The following CEP128 variants were observed in gnomAD, a reference collection of about 807,000 sequenced individuals.
CEP128 encodes centrosomal protein 128kDa.
Under a neutral mutation model 156.7 loss-of-function variants are expected in CEP128, and 132 were observed. That is an observed-to-expected ratio of 0.84 (90% CI 0.73 to 0.97). The LOEUF (loss-of-function observed/expected upper bound fraction) is 0.97, where lower values mean the gene tolerates loss of function less well. CEP128 is among the 50% of genes least tolerant of loss of function. The pLI is 0.00. For synonymous variants in CEP128, 469 were observed against 448.9 expected, an observed-to-expected ratio of 1.04 and a Z score of -0.57; for missense variants, 1,252 against 1,281.9, an observed-to-expected ratio of 0.98 and a Z score of 0.36.
intron 19 of CEP128, among the ~76,000 whole-genome samples, chr14:80,598,055 A>G (rs1892419962): frequency 6.6e-6 from 1 of 151,754 alleles, no homozygotes; most frequent in Non-Finnish European, 1.5e-5. Flanking sequence ...AAGAATACCT[A>G]CTCTCACAAT....
chr14:80,715,236 G>A (rs1441497879), intron 19 of CEP128, among the ~76,000 whole-genome samples: 1 of 151,858 alleles, frequency 6.6e-6, no homozygotes, highest in Non-Finnish European at 1.5e-5. Context: ...AAAAAAAAAG[G>A]AATTATAATA....
At chr14:80,793,807 T>C (rs779689688) in intron 13 of CEP128, among the ~76,000 whole-genome samples, 50 of 152,186 alleles carry the variant, frequency 3.3e-4, no homozygotes, top group Non-Finnish European at 6.9e-4. Context: ...ATTATATATT[T>C]GGAAATTACA....
intron 2 of CEP128, among the ~76,000 whole-genome samples, chr14:80,956,488 T>G (rs977379674): frequency 6.6e-6 from 1 of 152,342 alleles, no homozygotes; most frequent in Admixed American, 6.5e-5. Flanking sequence ...ATCTGCATGT[T>G]AAATGTTACC....
chr14:80,939,864 A>T (rs945869308), intron 1 of CEP128, among the ~76,000 whole-genome samples: 6 of 152,214 alleles, frequency 3.9e-5, no homozygotes, highest in African/African-American at 1.4e-4. Context: ...TTGGTAACTA[A>T]GTCAGGTAAT....
intron 19 of CEP128, among the ~76,000 whole-genome samples, chr14:80,592,578 G>A (rs1048811914): frequency 2.0e-5 from 3 of 152,100 alleles, no homozygotes; most frequent in African/African-American, 7.2e-5. Flanking sequence ...GTACAAAGAG[G>A]AGCTGGTACC....
chr14:80,503,409 T>C (rs1458857143), intron 24 of CEP128, among the ~76,000 whole-genome samples: 1 of 152,202 alleles, frequency 6.6e-6, no homozygotes, highest in African/African-American at 2.4e-5. Flanking sequence ...GTTCTTTCAC[T>C]GCCTATCATA....
At chr14:80,782,388 T>C (rs1901172691) in intron 15 of CEP128, among the ~76,000 whole-genome samples, 2 of 152,204 alleles carry the variant, frequency 1.3e-5, no homozygotes, top group Admixed American at 6.5e-5. Flanking sequence ...CGGCAGATTT[T>C]TATCCTTCAG....
intron 19 of CEP128, among the ~76,000 whole-genome samples, chr14:80,592,253 T>C (rs1261725316): frequency 1.3e-5 from 2 of 151,994 alleles, no homozygotes; most frequent in Non-Finnish European, 2.9e-5. Context: ...AATAGACCAC[T>C]ATCCAGATTA....
intron 20 of CEP128, among the ~76,000 whole-genome samples, chr14:80,579,761 C>T (rs1213055601): frequency 6.6e-6 from 1 of 152,190 alleles, no homozygotes; most frequent in Non-Finnish European, 1.5e-5. Flanking sequence ...AAGACAGACA[C>T]TTGAGTTACC....
intron 20 of CEP128, among the ~76,000 whole-genome samples, chr14:80,564,579 T>C (rs1193357764): frequency 6.6e-6 from 1 of 152,232 alleles, no homozygotes; most frequent in Admixed American, 6.5e-5. Flanking sequence ...ATTGACTCTA[T>C]CTTGCTTTTT....
intron 16 of CEP128, among the ~76,000 whole-genome samples, chr14:80,766,504 T>C (rs1566902647): frequency 1.3e-5 from 2 of 152,122 alleles, no homozygotes; most frequent in Admixed American, 6.5e-5. Context: ...ATCAGAAATA[T>C]AAAAGCTTCA....
intron 13 of CEP128, among the ~76,000 whole-genome samples, chr14:80,806,708 G>C (rs1444732904): frequency 6.6e-6 from 1 of 152,094 alleles, no homozygotes; most frequent in Non-Finnish European, 1.5e-5. Flanking sequence ...AAATGCGATA[G>C]GCCAAAGCAA....
At chr14:80,710,308 A>G (rs1204711629) in intron 19 of CEP128, among the ~76,000 whole-genome samples, 1 of 152,126 alleles carries the variant, frequency 6.6e-6, no homozygotes, top group Admixed American at 6.5e-5. Flanking sequence ...TATCACAATT[A>G]CAGTATGATA....
Position 80,761,530 on chromosome 14 carries a change from C to G in CEP128, c.2460G>C (p.Leu820Phe). ...RLQLKDQLLC[L>F]ETEQESILGV... ...CAAGAATGGATTCCTGTTCAGTCTC[C>G]AAGCAAAGAAGTTGATCCTTGAGCT... The change falls in exon 17 of 25, where the codon TTG becomes TTC. Residue 820 changes from leucine to phenylalanine, a missense_variant. Physicochemically the swap from Leu to Phe is conservative, Grantham distance 22. Coordinates refer to ENST00000555265, the MANE Select transcript of CEP128 (RefSeq NM_152446.5). 3 of 1,612,762 alleles carry G rather than the reference C, an allele frequency of 1.9e-6. No individual in the cohort carries two copies. Among genetic ancestry groups the G allele is most frequent in the Non-Finnish European group, 2.5e-6 (3 of 1,179,054 alleles).
At chr14:80,724,576 C>A (rs1897940814) in intron 19 of CEP128, among the ~76,000 whole-genome samples, 1 of 151,850 alleles carries the variant, frequency 6.6e-6, no homozygotes, top group African/African-American at 2.4e-5. Flanking sequence ...TGGAATTAAC[C>A]TCTGAAAAGC....
chr14:80,918,649 G>A lies in CEP128; in HGVS notation c.-15-2087C>T, dbSNP rs138531524. 5.6e-4 allele frequency among the ~76,000 whole-genome samples: 86 copies of A among 152,228 alleles called. 1 individual carries two copies. Among genetic ancestry groups the A allele is most frequent in the South Asian group, 4.3e-3 (21 of 4,830 alleles). On this transcript the variant is annotated intron_variant, in intron 2 of 24. Coordinates refer to ENST00000555265, the MANE Select transcript of CEP128 (RefSeq NM_152446.5). ...GTGTTCTGCTGTCCGATTATCCTGA[G>A]AATTAACAATCTTAACAATTAACAA...
At chr14:80,634,610 C>T (rs180835921) in intron 19 of CEP128, among the ~76,000 whole-genome samples, 27 of 152,218 alleles carry the variant, frequency 1.8e-4, no homozygotes, top group African/African-American at 6.3e-4. Context: ...GTTATTCTCC[C>T]TTTATCCTGG....
At chr14:80,670,218 C>T (rs1895782289) in intron 19 of CEP128, among the ~76,000 whole-genome samples, 2 of 152,094 alleles carry the variant, frequency 1.3e-5, no homozygotes, top group African/African-American at 2.4e-5. Flanking sequence ...TTAAGCAGGG[C>T]AAATATCGAA....
At chr14:80,605,349 A>T (rs1420293295) in intron 19 of CEP128, among the ~76,000 whole-genome samples, 1 of 152,036 alleles carries the variant, frequency 6.6e-6, no homozygotes, top group African/African-American at 2.4e-5. Flanking sequence ...ATCCAAACAG[A>T]TTCTTAGTTT....
Sources: allele counts gnomAD v4.1 joint callset (sites outside exome capture counted in the v4.1 genomes callset), GRCh38; gene constraint gnomAD v4.1.1; transcripts MANE v1.5; gene names NCBI Gene and HGNC (gene_info 2026-07-23, HGNC 2026-07-21).